FGFR2: variants seen among roughly 807,000 people sequenced by gnomAD.
FGFR2 encodes BEK fibroblast growth factor receptor.
A neutral mutation model predicts 95.9 loss-of-function variants in FGFR2; 19 were observed. That is an observed-to-expected ratio of 0.20 (90% CI 0.14 to 0.29). FGFR2 has a LOEUF of 0.29. Ranked by LOEUF, FGFR2 falls within the 10% of genes least tolerant of loss-of-function variation. FGFR2 has a pLI of 1.00. For synonymous variants in FGFR2, 392 were observed against 393.3 expected (o/e 1.00, Z 0.04); for missense variants, 707 against 1,056.9 (o/e 0.67, Z 4.59).
rs1852036311 is a variant in FGFR2, at chr10:121,531,251, AC to A, written c.748+7340del. ...CCTGCTCCCACCCCAGGGAGCTGGC[AC>A]CCGCAGAATACCACCTGCTCCCAAA... On this transcript the variant is annotated intron_variant, in intron 6 of 17. Transcript: ENST00000358487. This position sits in a 1 kb window ranked among gnomAD's most constrained non-coding sequence, Gnocchi z 4.5. 1 of 151,866 alleles carries A rather than the reference AC, an allele frequency of 6.6e-6. No individual in the cohort carries two copies. The highest frequency in any genetic ancestry group is 2.1e-4 in the South Asian group (1 of 4,792). 9.4% of individuals were successfully genotyped at this position (151,866 alleles called of 1,614,324 possible).
intron 5 of FGFR2, among the ~76,000 whole-genome samples, chr10:121,550,663 G>C (rs1456194016): frequency 6.6e-6 from 1 of 152,128 alleles, no homozygotes; most frequent in Non-Finnish European, 1.5e-5. Flanking sequence ...CTATACTGAC[G>C]CTTCTCAAAC....
intron 4 of FGFR2, among the ~76,000 whole-genome samples, chr10:121,559,511 T>C (rs1001641847): frequency 2.6e-5 from 4 of 152,206 alleles, no homozygotes; most frequent in African/African-American, 9.7e-5. Flanking sequence ...CTAATCACAC[T>C]AACAGATGGC....
At chr10:121,509,455 C>T (rs1848743012) in intron 9 of FGFR2, among the ~76,000 whole-genome samples, 1 of 145,288 alleles carries the variant, frequency 6.9e-6, no homozygotes, top group African/African-American at 2.6e-5. Flanking sequence ...AAAGGGCCAC[C>T]AAGAAACAGT....
At chr10:121,577,160 T>TAA (rs1859962547) in intron 2 of FGFR2, among the ~76,000 whole-genome samples, 2 of 11,240 alleles carry the variant, frequency 1.8e-4, no homozygotes, top group Non-Finnish European at 2.8e-4. Flanking sequence ...AAAAAAAAAA[T>TAA]ATATATATAT....
rs1440451612 is a variant in FGFR2 at position 121,568,091 on chromosome 10, C to T, written c.110-2387G>A. Among the ~76,000 whole-genome samples the T allele has an allele frequency of 3.9e-5, 6 of 152,018 alleles. 1 individual carries two copies. Among genetic ancestry groups the T allele is most frequent in the Non-Finnish European group, 5.9e-5 (4 of 67,982 alleles). Reference sequence around the variant, plus strand: ...ATAGAAATACTTTAAACTATGGAGACCAAACAGAAAAAAGAAAGGAAGAGA... The same window carrying T: ...ATAGAAATACTTTAAACTATGGAGATCAAACAGAAAAAAGAAAGGAAGAGA... On this transcript the variant is annotated intron_variant, in intron 2 of 17. Transcript: ENST00000358487.
chr10:121,582,574 C>T (rs769588926), intron 2 of FGFR2, among the ~76,000 whole-genome samples: 9 of 152,076 alleles, frequency 5.9e-5, no homozygotes, highest in Admixed American at 5.2e-4. Flanking sequence ...GTGGGTGGAT[C>T]ACCCGAGGTC....
chr10:121,526,970 G>A (rs1851464103), intron 6 of FGFR2: 1 of 386,580 alleles, frequency 2.6e-6, no homozygotes. Context: ...GAACAAACTT[G>A]TTTGGGTAAA....
chr10:121,520,138 G>T lies in FGFR2; in HGVS notation c.780C>A (p.Ala260=). ...ERSPHRPILQ[A]GLPANASTVV... ...CTGTGGAGGCATTTGCCGGCAGTCC[G>T]GCTTGGAGGATGGGCCGGTGAGGCG... Residue 260 remains alanine, a synonymous_variant, in exon 7 of 18, where the codon GCC becomes GCA. Coordinates refer to ENST00000358487, the MANE Select transcript of FGFR2 (RefSeq NM_000141.5). 6.2e-7 allele frequency: 1 copy of T among 1,613,946 alleles called. No homozygotes were observed.
At chr10:121,552,624 G>A (rs956663414) in intron 4 of FGFR2, among the ~76,000 whole-genome samples, 2 of 152,212 alleles carry the variant, frequency 1.3e-5, no homozygotes, top group African/African-American at 4.8e-5. Flanking sequence ...GTTGGAATCC[G>A]TACCTTCCAC....
intron 5 of FGFR2, among the ~76,000 whole-genome samples, chr10:121,550,683 G>A (rs912606861): frequency 3.9e-5 from 6 of 152,004 alleles, no homozygotes; most frequent in African/African-American, 7.3e-5. Context: ...CTCCACACCC[G>A]TTTTAGTTTT....
At chr10:121,545,013 T>G (rs1323257517) in intron 5 of FGFR2, among the ~76,000 whole-genome samples, 1 of 152,132 alleles carries the variant, frequency 6.6e-6, no homozygotes, top group Non-Finnish European at 1.5e-5. Flanking sequence ...TGTGGTGCCA[T>G]GCACCTGTGG....
intron 9 of FGFR2, among the ~76,000 whole-genome samples, chr10:121,514,289 C>T (rs1396933693): frequency 6.6e-6 from 1 of 152,234 alleles, no homozygotes; most frequent in African/African-American, 2.4e-5. Flanking sequence ...GCTTCCATCT[C>T]TGTGAATAAG....
chr10:121,560,342 C>T (rs1464425095), intron 4 of FGFR2, among the ~76,000 whole-genome samples: 1 of 152,086 alleles, frequency 6.6e-6, no homozygotes, highest in Non-Finnish European at 1.5e-5. Context: ...GGGCCAGGTG[C>T]CGTGGCTCAC....
At position 121,563,922 on chromosome 10, in the gene FGFR2, C is replaced by T. The variant is rs575042613; in HGVS notation, c.454+580G>A. 3.9e-5 allele frequency among the ~76,000 whole-genome samples: 6 copies of T among 152,320 alleles called. No individual in the cohort carries two copies. In the East Asian group the frequency reaches 1.2e-3, roughly 29 times the overall value. On this transcript the variant is annotated intron_variant, in intron 4 of 17. Transcript: ENST00000358487. ...AAGGCACACGTCCTTCATTTTCACT[C>T]AGCATGAGGTGTGTGTTGTAGGAGG...
intron 5 of FGFR2, among the ~76,000 whole-genome samples, chr10:121,541,421 TA>T (rs1481665481): frequency 6.6e-6 from 1 of 152,210 alleles, no homozygotes; most frequent in Non-Finnish European, 1.5e-5. Context: ...TAGTTAACTT[TA>T]TAAAGATGGC....
In FGFR2 at chr10:121,479,800, C is replaced by A. The variant is rs533590230; in HGVS notation, c.*57G>T. Reference sequence around the variant, plus strand: ...AGCTCTGGGAGGCATGGTCTCCCTGCTCAGTGTAGCTAGGTTCCCAGTGCT... The same window carrying A: ...AGCTCTGGGAGGCATGGTCTCCCTGATCAGTGTAGCTAGGTTCCCAGTGCT... On this transcript the variant is annotated 3_prime_UTR_variant, in exon 18 of 18. Transcript: ENST00000358487. 1 of 1,613,834 alleles carries A rather than the reference C, an allele frequency of 6.2e-7. No individual in the cohort carries two copies. Among genetic ancestry groups the A allele is most frequent in the Non-Finnish European group, 8.5e-7 (1 of 1,179,778 alleles).
chr10:121,532,384 T>C (rs1374732610), intron 6 of FGFR2, among the ~76,000 whole-genome samples: 1 of 152,016 alleles, frequency 6.6e-6, no homozygotes, highest in Non-Finnish European at 1.5e-5. Context: ...AAAAATTCCA[T>C]CCAGAAGCCA....
chr10:121,481,720 T>C (rs2133721943), intron 17 of FGFR2: 1 of 228,816 alleles, frequency 4.4e-6, no homozygotes, highest in Middle Eastern at 1.3e-3. Flanking sequence ...TAGATACAAA[T>C]TTCAGTATCA....
At chr10:121,512,505 G>C (rs1849181656) in intron 9 of FGFR2, among the ~76,000 whole-genome samples, 1 of 152,090 alleles carries the variant, frequency 6.6e-6, no homozygotes, top group African/African-American at 2.4e-5. Flanking sequence ...CGGCCCTACT[G>C]AACACAAGCC....
Sources: gnomAD v4.1 joint callset for allele counts (sites outside exome capture counted in the v4.1 genomes callset) on GRCh38, gnomAD v4.1.1 for gene constraint, Gnocchi (gnomAD v3.1) non-coding constraint, MANE v1.5 for transcripts, NCBI Gene and HGNC (gene_info 2026-07-23, HGNC 2026-07-21) for gene names.